RXRG: variants seen among roughly 807,000 people sequenced by gnomAD.
RXRG encodes retinoic acid receptor RXR-gamma.
A neutral mutation model predicts 49.2 loss-of-function variants in RXRG; 19 were observed. The observed-to-expected ratio is 0.39, with a 90% CI of 0.27 to 0.57. The LOEUF is 0.57. Ranked by LOEUF, RXRG falls within the 20% of genes least tolerant of loss-of-function variation. The pLI is 0.64. For missense variants in RXRG, 452 were observed against 592.5 expected (o/e 0.76, Z 2.46); for synonymous variants, 224 against 216.6 (o/e 1.03, Z -0.30).
At chr1:165,424,425 G>A (rs190003939) in intron 2 of RXRG, among the ~76,000 whole-genome samples, 45 of 152,304 alleles carry the variant, frequency 3.0e-4, no homozygotes, top group Admixed American at 2.7e-3. Flanking sequence ...AGCATCGCAC[G>A]TCTTGAGAAG....
At chr1:165,406,174 A>ACTGCTAGATGGCCTCAGAGAT (rs71097573) in intron 9 of RXRG, among the ~76,000 whole-genome samples, 50,121 of 150,158 alleles carry the variant, frequency 0.33, 8,574 homozygotes, top group East Asian at 0.49. Flanking sequence ...AAATACCTAT[A>ACTGCTAGATGGCCTCAGAGAT]CTGCTAGATG....
intron 1 of RXRG, among the ~76,000 whole-genome samples, chr1:165,433,590 G>A (rs1184863000): frequency 2.0e-5 from 3 of 152,188 alleles, no homozygotes; most frequent in Non-Finnish European, 4.4e-5. Flanking sequence ...CTTCTCTCCT[G>A]GTAACATACC....
intron 1 of RXRG, chr1:165,437,116 T>C (rs1658838742): frequency 1.5e-6 from 2 of 1,366,916 alleles, no homozygotes; most frequent in African/African-American, 1.5e-5. Context: ...GGAAGCAGCC[T>C]CCTGGAGGGT....
intron 4 of RXRG, among the ~76,000 whole-genome samples, chr1:165,413,787 G>GTCC (rs139987439): frequency 0.15 from 22,543 of 152,116 alleles, 1,708 homozygotes; most frequent in South Asian, 0.23. Context: ...GCTTGTGTGG[G>GTCC]CTAGGCTCTC....
At chr1:165,414,625 G>T (rs1157672763) in intron 4 of RXRG, among the ~76,000 whole-genome samples, 1 of 152,156 alleles carries the variant, frequency 6.6e-6, no homozygotes, top group Non-Finnish European at 1.5e-5. Flanking sequence ...AAATGACCCT[G>T]CAGTCACTGG....
rs150412767 is a variant in RXRG at position 165,438,987 on chromosome 1, G to T, written c.49+5858C>A. ...TATTAACGGGGTGTTAATTACAAAA[G>T]AATCTTTTAAAGCAGGTTTTCTAAA... On this transcript the variant is annotated intron_variant, in intron 1 of 9. Transcript: ENST00000359842. 1.3e-3 allele frequency among the ~76,000 whole-genome samples: 192 copies of T among 152,162 alleles called. 1 individual carries two copies. The highest frequency in any genetic ancestry group is 2.6e-3 in the African/African-American group (107 of 41,522).
chr1:165,423,819 A>G (rs1658399704), intron 2 of RXRG, among the ~76,000 whole-genome samples: 1 of 152,184 alleles, frequency 6.6e-6, no homozygotes, highest in African/African-American at 2.4e-5. Flanking sequence ...TGAAGAAAAG[A>G]CTTGATGACT....
At chr1:165,437,223 T>A in intron 1 of RXRG, 1 of 1,366,880 alleles carries the variant, frequency 7.3e-7, no homozygotes, top group Non-Finnish European at 9.8e-7. Flanking sequence ...AGAATGCCAG[T>A]CAGTCAGTCA....
At chr1:165,405,422 C>G (rs1657712966) in intron 9 of RXRG, among the ~76,000 whole-genome samples, 1 of 152,220 alleles carries the variant, frequency 6.6e-6, no homozygotes, top group African/African-American at 2.4e-5. Context: ...TTCTTCTGTT[C>G]TTCGGCATAC....
chr1:165,429,299 G>C (rs941302847), intron 1 of RXRG, among the ~76,000 whole-genome samples: 4 of 152,190 alleles, frequency 2.6e-5, no homozygotes, highest in African/African-American at 9.7e-5. Context: ...ACTGAGGCCT[G>C]GGCCAGCCAG....
chr1:165,431,634 C>A (rs1658677987), intron 1 of RXRG, among the ~76,000 whole-genome samples: 2 of 152,194 alleles, frequency 1.3e-5, no homozygotes, highest in Non-Finnish European at 2.9e-5. Flanking sequence ...TTTTATTCTG[C>A]TTTAAACAGA....
intron 1 of RXRG, 136 bp from the exon 2 acceptor site, chr1:165,429,102 G>A: frequency 1.4e-5 from 13 of 928,766 alleles, no homozygotes; most frequent in Non-Finnish European, 2.1e-5. Flanking sequence ...GTAAGCCCTA[G>A]GTGCTCTCAC....
At chr1:165,417,281 A>G in intron 3 of RXRG, 61 bp from the exon 4 acceptor site, 1 of 1,476,450 alleles carries the variant, frequency 6.8e-7, no homozygotes, top group Non-Finnish European at 9.2e-7. Flanking sequence ...TCTTTCATTC[A>G]AAAGAACCTC....
At chr1:165,423,125 T>A (rs1289614748) in intron 2 of RXRG, among the ~76,000 whole-genome samples, 2 of 152,168 alleles carry the variant, frequency 1.3e-5, no homozygotes, top group African/African-American at 4.8e-5. Context: ...GTTTTCTCTG[T>A]CCATCTCTCT....
At chr1:165,444,765 A>C (rs1659107876) in intron 1 of RXRG, 80 bp downstream of exon 1, 2 of 1,208,200 alleles carry the variant, frequency 1.7e-6, no homozygotes, top group Non-Finnish European at 2.5e-6. Flanking sequence ...ATTCAATACT[A>C]ATCCAGTCAT....
intron 2 of RXRG, among the ~76,000 whole-genome samples, chr1:165,428,384 C>A (rs1227757643): frequency 6.6e-6 from 1 of 152,154 alleles, no homozygotes; most frequent in Non-Finnish European, 1.5e-5. Flanking sequence ...TTCAGTGACT[C>A]AATAAATGCT....
intron 2 of RXRG, among the ~76,000 whole-genome samples, chr1:165,423,996 G>C (rs993489910): frequency 6.6e-6 from 1 of 152,176 alleles, no homozygotes; most frequent in African/African-American, 2.4e-5. Context: ...ACCCAGGTCA[G>C]GCTGCAGAGT....
chr1:165,436,863 G>C (rs928427775), intron 1 of RXRG: 5 of 1,034,816 alleles, frequency 4.8e-6, no homozygotes, highest in Non-Finnish European at 4.7e-6. Flanking sequence ...AGAGTTTCAA[G>C]GTTAAAGATC....
chr1:165,406,357 G>A lies in RXRG; in HGVS notation c.1244+455C>T, dbSNP rs893545646. On this transcript the variant is annotated intron_variant, in intron 9 of 9. Transcript: ENST00000359842. ...AAGCCTGTACTTCCTACTGCATGGG[G>A]GTTTCTATGGGGGCAGACCAGAAAG... 3.3e-5 allele frequency among the ~76,000 whole-genome samples: 5 copies of A among 152,188 alleles called. No homozygotes were observed. The East Asian group carries it at 5.8e-4, about 18-fold the overall frequency.
Sources: gnomAD v4.1 joint callset for allele counts (sites outside exome capture counted in the v4.1 genomes callset) on GRCh38, gnomAD v4.1.1 for gene constraint, MANE v1.5 for transcripts, NCBI Gene and HGNC (gene_info 2026-07-23, HGNC 2026-07-21) for gene names.